ADAM19: variants seen among roughly 807,000 people sequenced by gnomAD.
ADAM19 encodes the protein ADAM metallopeptidase domain 19.
Under a neutral mutation model 114.7 loss-of-function variants are expected in ADAM19, and 65 were observed. The ratio of observed to expected loss-of-function variants is 0.57; its 90% CI spans 0.46 to 0.70. ADAM19 has a LOEUF of 0.70. Ranked by LOEUF, ADAM19 falls within the 30% of genes least tolerant of loss-of-function variation. ADAM19 has a pLI of 0.00. For missense variants in ADAM19, 1,063 were observed against 1,204.7 expected (o/e 0.88, Z 1.74); for synonymous variants, 466 against 460.5 (o/e 1.01, Z -0.15).
intron 2 of ADAM19, among the ~76,000 whole-genome samples, chr5:157,567,225 C>A (rs553982562): frequency 6.6e-6 from 1 of 152,170 alleles, no homozygotes; most frequent in East Asian, 1.9e-4. Context: ...CTCAACATTC[C>A]GATCAAAGGC....
intron 3 of ADAM19, among the ~76,000 whole-genome samples, chr5:157,553,317 A>G (rs1235939411): frequency 6.6e-6 from 1 of 152,228 alleles, no homozygotes; most frequent in Non-Finnish European, 1.5e-5. Context: ...CTTACTATGT[A>G]TGTACTCACA....
intron 3 of ADAM19, among the ~76,000 whole-genome samples, chr5:157,549,493 T>C (rs574840508): frequency 6.0e-4 from 92 of 152,242 alleles, no homozygotes; most frequent in African/African-American, 2.2e-3. Flanking sequence ...CCTTTCTCAT[T>C]CTCCATTCAT....
At chr5:157,489,634 G>C (rs57229403) in intron 19 of ADAM19, among the ~76,000 whole-genome samples, 42,149 of 152,150 alleles carry the variant, frequency 0.28, 6,535 homozygotes, top group East Asian at 0.71. Flanking sequence ...CCAAAAGCGA[G>C]CAGGAGTAGC....
chr5:157,530,608 G>A (rs1319174006), intron 5 of ADAM19, among the ~76,000 whole-genome samples, 199 bp downstream of exon 5: 1 of 152,174 alleles, frequency 6.6e-6, no homozygotes, highest in Non-Finnish European at 1.5e-5. Context: ...AGTTCATCAG[G>A]AAAGTTAAAT....
chr5:157,509,080 G>A (rs1023146389), intron 9 of ADAM19, among the ~76,000 whole-genome samples: 23 of 152,248 alleles, frequency 1.5e-4, no homozygotes, highest in Admixed American at 9.2e-4. Flanking sequence ...CCATTAGACT[G>A]TAAACATTTC....
Position 157,479,440 on chromosome 5 carries a change from G to C in ADAM19, c.*1509C>G, listed in dbSNP as rs1754683318. The C allele has an allele frequency of 2.0e-6, 2 of 985,968 alleles. No individual in the cohort carries two copies. The highest frequency in any genetic ancestry group is 2.4e-6 in the Non-Finnish European group (2 of 830,046). 61.1% of individuals were successfully genotyped at this position (985,968 alleles called of 1,614,324 possible). On this transcript the variant is annotated 3_prime_UTR_variant, in exon 23 of 23. Transcript: ENST00000257527. The stretch of plus-strand genomic sequence containing the variant: ...AAAGCCTCAGAGGAGTGAGAGTCAG[G>C]CCAGCTCCTGTCCGGAGAGCCACCC...
At chr5:157,518,968 G>T in intron 6 of ADAM19, 80 bp from the exon 7 acceptor site, 1 of 1,181,428 alleles carries the variant, frequency 8.5e-7, no homozygotes. Context: ...AAACAGAGCT[G>T]CTGGATAAGC....
intron 8 of ADAM19, 45 bp downstream of exon 8, chr5:157,513,389 G>C (rs371277612): frequency 2.5e-6 from 4 of 1,586,622 alleles, no homozygotes; most frequent in Non-Finnish European, 3.5e-6. Context: ...CCTTGGAAGT[G>C]CTGGCACCTG....
intron 3 of ADAM19, among the ~76,000 whole-genome samples, chr5:157,549,884 AATGTGGTAT>A (rs1168078904): frequency 6.6e-6 from 1 of 152,234 alleles, no homozygotes; most frequent in Non-Finnish European, 1.5e-5. Context: ...GGGTTAACAA[AATGTGGTAT>A]ATCTATATAA....
rs765350393 is a variant in ADAM19, at chr5:157,530,831, G to A, written c.383C>T (p.Thr128Met). Residue 128 changes from threonine (T) to methionine (M), a missense_variant, in exon 5 of 23, where the codon ACG becomes ATG. By Grantham distance (81) the Thr-to-Met change is moderately conservative. Around this residue, in one of 3 missense-constraint regions of ADAM19, gnomAD observed 615 missense variants for 706.3 expected, o/e 0.87. Coordinates refer to ENST00000257527, the MANE Select transcript of ADAM19 (RefSeq NM_033274.5). ...TVRETELSSVTLSTCRGIRGL... is the reference protein window; with the variant it reads ...TVRETELSSVMLSTCRGIRGL... Reference sequence around the variant, plus strand: ...CCTAATTCCTCGGCAAGTGCTGAGCGTGACGCTGGACAGTTCTGTCTCCCT... The same window carrying A: ...CCTAATTCCTCGGCAAGTGCTGAGCATGACGCTGGACAGTTCTGTCTCCCT... 5.9e-5 allele frequency: 96 copies of A among 1,614,034 alleles called. No individual in the cohort carries two copies. Among genetic ancestry groups the A allele is most frequent in the Non-Finnish European group, 7.0e-5 (83 of 1,180,014 alleles).
chr5:157,565,101 A>G (rs1264254931), intron 2 of ADAM19, among the ~76,000 whole-genome samples: 2 of 152,242 alleles, frequency 1.3e-5, no homozygotes, highest in South Asian at 2.1e-4. Context: ...GCCAAAAAGT[A>G]GATACATTTT....
intron 8 of ADAM19, among the ~76,000 whole-genome samples, chr5:157,510,111 T>C (rs998830055): frequency 6.6e-6 from 1 of 152,248 alleles, no homozygotes; most frequent in Non-Finnish European, 1.5e-5. Context: ...TGAGGTATAA[T>C]TTGCATACCA....
At chr5:157,527,297 G>C (rs539097992) in intron 5 of ADAM19, among the ~76,000 whole-genome samples, 1 of 152,046 alleles carries the variant, frequency 6.6e-6, no homozygotes. Flanking sequence ...TGCAAGCTCC[G>C]CCTCCCGGGT....
rs56067586 is a variant in ADAM19, at chr5:157,519,842, G to C, written c.597C>G (p.Arg199=). The change falls in exon 6 of 23, where the codon CGC becomes CGG. Residue 199 remains arginine, a synonymous_variant. Transcript: ENST00000257527. ...CACTGAGAGCCTCAAAACTCACCCTGCGAGGTCGCTTCTTGGTCTGTTGTG... is the reference window on the plus strand; with the variant it reads ...CACTGAGAGCCTCAAAACTCACCCTCCGAGGTCGCTTCTTGGTCTGTTGTG... The part of the protein sequence containing the change: ...QFTQQTKKRP[R]RMKREDLNSM... 1.2e-6 allele frequency: 2 copies of C among 1,609,768 alleles called. No homozygotes were observed. The highest frequency in any genetic ancestry group is 4.5e-5 in the East Asian group (2 of 44,788).
At chr5:157,556,366 G>A (rs968894528) in intron 3 of ADAM19, among the ~76,000 whole-genome samples, 27 of 151,674 alleles carry the variant, frequency 1.8e-4, no homozygotes, top group South Asian at 4.2e-4. Flanking sequence ...CTACAGGGGC[G>A]CACCACCATG....
chr5:157,493,735 T>TA (rs1755254300), intron 15 of ADAM19, among the ~76,000 whole-genome samples: 1 of 152,220 alleles, frequency 6.6e-6, no homozygotes, highest in African/African-American at 2.4e-5. Flanking sequence ...TAAACTCCCC[T>TA]AGCCATGCAT....
intron 18 of ADAM19, among the ~76,000 whole-genome samples, chr5:157,490,905 AAAC>A: frequency 6.6e-6 from 1 of 151,754 alleles, no homozygotes; most frequent in Admixed American, 6.6e-5. Context: ...AAAAAAAAAA[AAAC>A]AAAGAAACGA....
Position 157,481,007 on chromosome 5 carries a change from G to C in ADAM19, c.2704-5C>G. 1.2e-6 allele frequency: 2 copies of C among 1,614,104 alleles called. No individual in the cohort carries two copies. The highest frequency in any genetic ancestry group is 1.7e-6 in the Non-Finnish European group (2 of 1,180,018). On this transcript the variant is annotated splice_region_variant and splice_polypyrimidine_tract_variant and intron_variant, in intron 22 of 22. Transcript: ENST00000257527. ...CTGTGATCTGTATTCTGGAAACTGGGAAGAAAAAGAAGGGAGGGAGAGAGA... is the reference window on the plus strand; with the variant it reads ...CTGTGATCTGTATTCTGGAAACTGGCAAGAAAAAGAAGGGAGGGAGAGAGA...
At chr5:157,555,420 G>A (rs1440166847) in intron 3 of ADAM19, among the ~76,000 whole-genome samples, 1 of 152,190 alleles carries the variant, frequency 6.6e-6, no homozygotes, top group Non-Finnish European at 1.5e-5. Flanking sequence ...ACATGACCCG[G>A]AACTTGGGTA....
Sources: allele counts gnomAD v4.1 joint callset (sites outside exome capture counted in the v4.1 genomes callset), GRCh38; gene constraint gnomAD v4.1.1; regional missense constraint gnomAD v4.1.1; transcripts MANE v1.5; gene names NCBI Gene and HGNC (gene_info 2026-07-23, HGNC 2026-07-21).